ZFPM1: variants seen among roughly 807,000 people sequenced by gnomAD.
ZFPM1 encodes the protein zinc finger protein, FOG family member 1, also known as zinc finger protein ZFPM1.
Under a neutral mutation model 46.3 loss-of-function variants are expected in ZFPM1, and 28 were observed. The observed-to-expected ratio is 0.60, with a 90% CI of 0.45 to 0.83. The LOEUF (loss-of-function observed/expected upper bound fraction) is 0.83, where lower values mean the gene tolerates loss of function less well. ZFPM1 is among the 40% of genes least tolerant of loss of function. The probability of loss-of-function intolerance (pLI) is 0.00; values close to 1 mark genes in which losing one functional copy is unlikely to be tolerated. For missense variants in ZFPM1, 1,878 were observed against 1,432.4 expected (o/e 1.31, Z -5.02); for synonymous variants, 957 against 675.9 (o/e 1.42, Z -6.45).
intron 6 of ZFPM1, among the ~76,000 whole-genome samples, chr16:88,531,239 G>A (rs931932574): frequency 6.6e-5 from 10 of 152,238 alleles, no homozygotes; most frequent in African/African-American, 2.4e-4. Flanking sequence ...AGATGGGGCA[G>A]GGCTCTGGGG....
At chr16:88,523,602 CCT>C (rs1399447089) in intron 4 of ZFPM1, among the ~76,000 whole-genome samples, 7 of 152,350 alleles carry the variant, frequency 4.6e-5, no homozygotes, top group Middle Eastern at 3.4e-3. Context: ...TCACCTGTCC[CCT>C]GAGAGGTGTC....
intron 1 of ZFPM1, among the ~76,000 whole-genome samples, chr16:88,481,209 G>T: frequency 6.6e-6 from 1 of 152,338 alleles, no homozygotes. Flanking sequence ...TGCCCTGGCC[G>T]CCAATGACCA....
At position 88,453,463 on chromosome 16, in the gene ZFPM1, G is replaced by A. The variant is rs1346752541; in HGVS notation, c.-176G>A. The A allele has an allele frequency of 4.1e-5, 7 of 170,846 alleles. No individual in the cohort carries two copies. The highest frequency in any genetic ancestry group is 7.4e-5 in the African/African-American group (3 of 40,600). 10.6% of individuals were successfully genotyped at this position (170,846 alleles called of 1,614,324 possible). A position where few individuals can be genotyped will look rare whatever the true frequency, so the allele number is the denominator to read the frequency against. The stretch of plus-strand genomic sequence containing the variant: ...GGACCGTGGCCTCTCGGGCCTCCGC[G>A]GCAGCTCCAGCGGCTCCGGGGCTGG... On this transcript the variant is annotated 5_prime_UTR_variant, in exon 1 of 10. Coordinates refer to ENST00000319555, the MANE Select transcript of ZFPM1 (RefSeq NM_153813.3).
intron 1 of ZFPM1, 28 bp downstream of exon 1, chr16:88,453,706 TC>T: frequency 8.5e-7 from 1 of 1,178,140 alleles, no homozygotes; most frequent in Non-Finnish European, 1.1e-6. Context: ...CGCGGTCCCC[TC>T]CGCGCGCCCG....
At chr16:88,486,279 C>G (rs951990634) in intron 2 of ZFPM1, among the ~76,000 whole-genome samples, 2 of 152,232 alleles carry the variant, frequency 1.3e-5, no homozygotes, top group African/African-American at 2.4e-5. Context: ...AAATCCAGCC[C>G]TCATACAAAT....
At chr16:88,478,503 C>A (rs1274486566) in intron 1 of ZFPM1, among the ~76,000 whole-genome samples, 1 of 152,264 alleles carries the variant, frequency 6.6e-6, no homozygotes, top group Non-Finnish European at 1.5e-5. Context: ...GCCGGCATCC[C>A]TGTAAGGGGT....
intron 3 of ZFPM1, among the ~76,000 whole-genome samples, chr16:88,492,663 TGTGGACATCCAGAAG>T (rs1909644661): frequency 3.3e-5 from 5 of 152,162 alleles, no homozygotes. Context: ...GACTGGGACT[TGTGGACATCCAGAAG>T]GTGGACGGTG....
At chr16:88,524,257 C>G (rs999195985) in intron 4 of ZFPM1, among the ~76,000 whole-genome samples, 1 of 152,188 alleles carries the variant, frequency 6.6e-6, no homozygotes, top group Non-Finnish European at 1.5e-5. Context: ...GAGCGCTGCC[C>G]GCCTGGCTCG....
intron 4 of ZFPM1, among the ~76,000 whole-genome samples, chr16:88,522,377 C>T (rs1597277257): frequency 6.6e-6 from 1 of 152,214 alleles, no homozygotes; most frequent in Non-Finnish European, 1.5e-5. Flanking sequence ...GCCTCAGCCT[C>T]AGCCTCAGCT....
chr16:88,507,899 TCCAGCAG>T (rs1910747517), intron 3 of ZFPM1, among the ~76,000 whole-genome samples: 1 of 152,096 alleles, frequency 6.6e-6, no homozygotes, highest in Non-Finnish European at 1.5e-5. Context: ...CTCGGGGGCC[TCCAGCAG>T]CCACTCCCTC....
At chr16:88,487,717 C>G (rs138380073) in intron 2 of ZFPM1, among the ~76,000 whole-genome samples, 7 of 152,290 alleles carry the variant, frequency 4.6e-5, no homozygotes, top group Non-Finnish European at 8.8e-5. Flanking sequence ...GCAGGCCTCA[C>G]CCCCATCTGC....
rs779437075 is a variant in ZFPM1 at position 88,533,723 on chromosome 16, G to A, written c.1765G>A (p.Val589Ile). Residue 589 changes from valine to isoleucine, a missense_variant, in exon 10 of 10, where the codon GTC (valine) becomes ATC (isoleucine). Physicochemically the swap from Val to Ile is conservative, Grantham distance 29 (BLOSUM62 3). Transcript: ENST00000319555. ...CGAGTGCGAGATCACCTTCAGCAACGTCAACAACTACTACGTGCACAAGCG... is the reference window on the plus strand; with the variant it reads ...CGAGTGCGAGATCACCTTCAGCAACATCAACAACTACTACGTGCACAAGCG... ...CFECEITFSNVNNYYVHKRLY... is the reference protein window; with the variant it reads ...CFECEITFSNINNYYVHKRLY... 6.0e-6 allele frequency: 9 copies of A among 1,499,774 alleles called. No individual in the cohort carries two copies. In the Admixed American group the frequency reaches 1.5e-4, roughly 26 times the overall value. The allele number at this position is 1,499,774 out of a possible 1,614,324, so 92.9% of individuals were successfully genotyped here.
At chr16:88,482,920 G>A (rs1350184481) in intron 1 of ZFPM1, among the ~76,000 whole-genome samples, 5 of 152,194 alleles carry the variant, frequency 3.3e-5, no homozygotes, top group East Asian at 1.9e-4. Flanking sequence ...GCTCAGGGCC[G>A]ACCCCAGAGG....
At chr16:88,488,479 C>G (rs1909364370) in intron 2 of ZFPM1, among the ~76,000 whole-genome samples, 1 of 151,986 alleles carries the variant, frequency 6.6e-6, no homozygotes, top group Non-Finnish European at 1.5e-5. Context: ...GATTTATAGC[C>G]AAAAATAATA....
Position 88,514,404 on chromosome 16 carries a change from G to A in ZFPM1, c.286G>A (p.Val96Met). Residue 96 changes from valine (V) to methionine (M), a missense_variant, in exon 4 of 10, where the codon GTG (valine) becomes ATG (methionine). Physicochemically the swap from Val to Met is conservative, Grantham distance 21 (BLOSUM62 1). Transcript: ENST00000319555. ...CTCTGCAGACGAGCTGGAGCCGGTG[G>A]TGCAGGATGGGCAGAGGCGCATACG... ...WSGPDELEPV[V>M]QDGQRRIRAR... 2 of 1,564,566 alleles carry A rather than the reference G, an allele frequency of 1.3e-6. No homozygotes were observed. The highest frequency in any genetic ancestry group is 1.7e-6 in the Non-Finnish European group (2 of 1,155,080).
rs1215647511 is a variant in ZFPM1 at position 88,480,872 on chromosome 16, A to T, written c.41-5067A>T. Among the ~76,000 whole-genome samples the T allele has an allele frequency of 6.6e-6, 1 of 152,184 alleles. No individual in the cohort carries two copies. Among genetic ancestry groups the T allele is most frequent in the African/African-American group, 2.4e-5 (1 of 41,452 alleles). On this transcript the variant is annotated intron_variant, in intron 1 of 9. Coordinates refer to ENST00000319555, the MANE Select transcript of ZFPM1 (RefSeq NM_153813.3). The surrounding 1 kb of genome is among the most constrained non-coding windows in gnomAD (Gnocchi z 4.9). Reference sequence around the variant, plus strand: ...CCAGCTTTCCGCAAGACAGTCGTTCAAAGGAGCCCCCCAGCGCCTCGCCAT... The same window carrying T: ...CCAGCTTTCCGCAAGACAGTCGTTCTAAGGAGCCCCCCAGCGCCTCGCCAT...
intron 3 of ZFPM1, among the ~76,000 whole-genome samples, chr16:88,491,095 G>C (rs1909548642): frequency 6.6e-6 from 1 of 151,490 alleles, no homozygotes; most frequent in South Asian, 2.1e-4. Context: ...GTCAGGCGCT[G>C]GTGCCTTCGG....
At chr16:88,476,973 G>T (rs1202739857) in intron 1 of ZFPM1, among the ~76,000 whole-genome samples, 1 of 152,262 alleles carries the variant, frequency 6.6e-6, no homozygotes. Flanking sequence ...GTGTGATAGC[G>T]ATGGAGAGAA....
chr16:88,477,592 G>A (rs1224117781), intron 1 of ZFPM1, among the ~76,000 whole-genome samples: 1 of 152,236 alleles, frequency 6.6e-6, no homozygotes, highest in Non-Finnish European at 1.5e-5. Flanking sequence ...CTACTCAGGA[G>A]GCTTAGGCCG....
Sources: gnomAD v4.1 joint callset for allele counts (sites outside exome capture counted in the v4.1 genomes callset) on GRCh38, gnomAD v4.1.1 for gene constraint, Gnocchi (gnomAD v3.1) non-coding constraint, MANE v1.5 for transcripts, NCBI Gene and HGNC (gene_info 2026-07-23, HGNC 2026-07-21) for gene names.